Variants in GPR61 observed in about 807,000 individuals in gnomAD.
The protein encoded by GPR61 is G-protein coupled receptor 61.
A neutral mutation model predicts 29.2 loss-of-function variants in GPR61; 15 were observed. The observed-to-expected ratio is 0.51, with a 90% CI of 0.34 to 0.79. The LOEUF (loss-of-function observed/expected upper bound fraction) is 0.79. GPR61 is among the 30% of genes least tolerant of loss of function. The pLI is 0.01. For synonymous variants in GPR61, 238 were observed against 242.3 expected (o/e 0.98, Z 0.17); for missense variants, 399 against 582.5 (o/e 0.69, Z 3.24).
Position 109,544,147 on chromosome 1 carries a change from C to T in GPR61, c.1125C>T (p.Gly375=). Residue 375 remains glycine (G), a synonymous_variant, in exon 2 of 2, where the codon GGC becomes GGT. Transcript: ENST00000527748. The surrounding 1 kb of genome is among the most constrained non-coding windows in gnomAD (Gnocchi z 4.6). ...AGCTGAGGCTGCCTAGCCGGGAGGG[C>T]TCCATTGAGGAGAACTTCCTGCAGT... The part of the protein sequence containing the change: ...EEELRLPSRE[G]SIEENFLQFL... 1 of 1,614,060 alleles carries T rather than the reference C, an allele frequency of 6.2e-7. No individual in the cohort carries two copies. Among genetic ancestry groups the T allele is most frequent in the Non-Finnish European group, 8.5e-7 (1 of 1,179,952 alleles).
rs1194622211 is a variant in GPR61 at position 109,544,002 on chromosome 1, C to G, written c.980C>G (p.Thr327Ser). 6 of 1,614,130 alleles carry G rather than the reference C, an allele frequency of 3.7e-6. No individual in the cohort carries two copies. The highest frequency in any genetic ancestry group is 1.3e-5 in the African/African-American group (1 of 74,934). The change falls in exon 2 of 2, where the codon ACC (threonine) becomes AGC (serine). Residue 327 changes from threonine to serine, a missense_variant. Transcript: ENST00000527748. The surrounding 1 kb of genome is among the most constrained non-coding windows in gnomAD (Gnocchi z 4.6). ...ISTGQVESVV[T>S]WIGYFCFTSN... ...ACTGGGCAGGTGGAGAGTGTGGTCA[C>G]CTGGATTGGCTACTTTTGCTTCACT...
In GPR61 at chr1:109,542,733, C is replaced by T. The variant is rs1398977125; in HGVS notation, c.-290C>T. 4.8e-6 allele frequency: 3 copies of T among 629,828 alleles called. No individual in the cohort carries two copies. The highest frequency in any genetic ancestry group is 3.3e-5 in the East Asian group (1 of 30,372). The allele number at this position is 629,828 out of a possible 1,614,324, so 39.0% of individuals were successfully genotyped here. ...GAAGAGGTGAAGGCCATTCCGAAAG[C>T]GGAGTGTTGAGTGGGTCAGGCTCCT... On this transcript the variant is annotated 5_prime_UTR_variant, in exon 2 of 2. Coordinates refer to ENST00000527748, the MANE Select transcript of GPR61 (RefSeq NM_001393907.1).
chr1:109,541,258 T>C (rs1056855258), intron 1 of GPR61, among the ~76,000 whole-genome samples: 2 of 152,244 alleles, frequency 1.3e-5, no homozygotes, highest in African/African-American at 4.8e-5. Flanking sequence ...CTCTAGGCAG[T>C]TGCCCAAAGT....
chr1:109,542,960 G>T lies in GPR61; in HGVS notation c.-63G>T. 2.6e-6 allele frequency: 4 copies of T among 1,551,984 alleles called. No homozygotes were observed. The highest frequency in any genetic ancestry group is 1.2e-5 in the South Asian group (1 of 83,480). On this transcript the variant is annotated 5_prime_UTR_variant, in exon 2 of 2. Transcript: ENST00000527748. ...GGCCTGGGCTCGCCATCCCAGGGTC[G>T]CTGGACTAGGATGGGGGATGGGCCT...
rs752116728 is a variant in GPR61 at position 109,542,947 on chromosome 1, C to T, written c.-76C>T. The T allele has an allele frequency of 2.6e-5, 40 of 1,547,758 alleles. No individual in the cohort carries two copies. The highest frequency in any genetic ancestry group is 1.3e-5 in the Non-Finnish European group (15 of 1,143,414). ...ACCAGGAAGCCTGGGCCTGGGCTCG[C>T]CATCCCAGGGTCGCTGGACTAGGAT... is the stretch of plus-strand genomic sequence containing the variant. On this transcript the variant is annotated 5_prime_UTR_variant, in exon 2 of 2. Transcript: ENST00000527748.
In GPR61 at chr1:109,545,579, G is replaced by A. The variant is rs1369919985; in HGVS notation, c.*1201G>A. On this transcript the variant is annotated 3_prime_UTR_variant, in exon 2 of 2. Coordinates refer to ENST00000527748, the MANE Select transcript of GPR61 (RefSeq NM_001393907.1). ...TGAGACTGTAGGAACTGTGTTGGTT[G>A]GTATTGGTGGTGGTATTTTCAACAA... 1 of 152,232 alleles carries A rather than the reference G, an allele frequency of 6.6e-6. No homozygotes were observed. Among genetic ancestry groups the A allele is most frequent in the Non-Finnish European group, 1.5e-5 (1 of 68,056 alleles). 9.4% of individuals were successfully genotyped at this position (152,232 alleles called of 1,614,324 possible). A position where few individuals can be genotyped will look rare whatever the true frequency, so the allele number is the denominator to read the frequency against.
At chr1:109,540,307 G>A (rs1260598561) in intron 1 of GPR61, among the ~76,000 whole-genome samples, 1 of 152,194 alleles carries the variant, frequency 6.6e-6, no homozygotes, top group Non-Finnish European at 1.5e-5. Flanking sequence ...CTGGGCGTGG[G>A]CAACTCTGCT....
rs1647800090 is a variant in GPR61, at chr1:109,546,457, G to C, written c.*2079G>C. 1 of 152,260 alleles carries C rather than the reference G, an allele frequency of 6.6e-6. No individual in the cohort carries two copies. The highest frequency in any genetic ancestry group is 6.5e-5 in the Admixed American group (1 of 15,290). 9.4% of individuals were successfully genotyped at this position (152,260 alleles called of 1,614,324 possible). ...AGGAATTGCCAGCAGGTGGCAGTGTGAGCCCAATGGAAGGAGGAAAGGCGA... is the reference window on the plus strand; with the variant it reads ...AGGAATTGCCAGCAGGTGGCAGTGTCAGCCCAATGGAAGGAGGAAAGGCGA... On this transcript the variant is annotated 3_prime_UTR_variant, in exon 2 of 2. Transcript: ENST00000527748.
In GPR61 at chr1:109,542,956, G is replaced by A; in HGVS notation, c.-67G>A. 1 of 1,550,968 alleles carries A rather than the reference G, an allele frequency of 6.4e-7. No individual in the cohort carries two copies. The highest frequency in any genetic ancestry group is 8.7e-7 in the Non-Finnish European group (1 of 1,145,306). ...CCTGGGCCTGGGCTCGCCATCCCAG[G>A]GTCGCTGGACTAGGATGGGGGATGG... On this transcript the variant is annotated 5_prime_UTR_variant, in exon 2 of 2. Coordinates refer to ENST00000527748, the MANE Select transcript of GPR61 (RefSeq NM_001393907.1).
At position 109,546,045 on chromosome 1, in the gene GPR61, A is replaced by G. The variant is rs1041843229; in HGVS notation, c.*1667A>G. On this transcript the variant is annotated 3_prime_UTR_variant, in exon 2 of 2. Transcript: ENST00000527748. Reference sequence around the variant, plus strand: ...GAGAAATATATTGGAGAATATGTCCATGGCTCTAACTTCTGAGAGTTCAGC... The same window carrying G: ...GAGAAATATATTGGAGAATATGTCCGTGGCTCTAACTTCTGAGAGTTCAGC... 1 of 152,218 alleles carries G rather than the reference A, an allele frequency of 6.6e-6. No homozygotes were observed. 9.4% of individuals were successfully genotyped at this position (152,218 alleles called of 1,614,324 possible). A position where few individuals can be genotyped will look rare whatever the true frequency, so the allele number is the denominator to read the frequency against.
At chr1:109,542,320 GC>G in intron 1 of GPR61, 101 bp from the exon 2 acceptor site, 1 of 231,744 alleles carries the variant, frequency 4.3e-6, no homozygotes. Context: ...TGTGGAAAAC[GC>G]CGTATCAATG....
In GPR61 at chr1:109,543,903, G is replaced by A. The variant is rs754270763; in HGVS notation, c.881G>A (p.Gly294Glu). ...GCAGTGGTTCTCCTGGCTGTGGGGG[G>A]ACAGTTCCTGCTCTGTTGGTTGCCC... ...KAAVVLLAVG[G>E]QFLLCWLPYF... Residue 294 changes from glycine to glutamate, a missense_variant, in exon 2 of 2, where the codon GGA becomes GAA. This residue lies in a region of GPR61 where 320 missense variants were observed against 459.8 expected (regional missense o/e 0.70). Transcript: ENST00000527748. This position sits in a 1 kb window ranked among gnomAD's most constrained non-coding sequence, Gnocchi z 6.8. 2 of 1,613,778 alleles carry A rather than the reference G, an allele frequency of 1.2e-6. No homozygotes were observed. The highest frequency in any genetic ancestry group is 1.3e-5 in the African/African-American group (1 of 75,054).
Position 109,546,915 on chromosome 1 carries a change from G to A in GPR61, c.*2537G>A, listed in dbSNP as rs1339748567. The A allele has an allele frequency of 1.3e-5, 2 of 152,234 alleles. No homozygotes were observed. Among genetic ancestry groups the A allele is most frequent in the Non-Finnish European group, 2.9e-5 (2 of 68,034 alleles). The allele number at this position is 152,234 out of a possible 1,614,324, so 9.4% of individuals were successfully genotyped here. On this transcript the variant is annotated 3_prime_UTR_variant, in exon 2 of 2. Transcript: ENST00000527748. ...GAGCTAACTCACTGAAGAATCAACA[G>A]ATTGAGGCAACCATCCGGTCAGTTA... is the stretch of plus-strand genomic sequence containing the variant.
chr1:109,546,576 C>T lies in GPR61; in HGVS notation c.*2198C>T, dbSNP rs1230071594. 6.6e-6 allele frequency: 1 copy of T among 152,168 alleles called. No homozygotes were observed. Among genetic ancestry groups the T allele is most frequent in the Non-Finnish European group, 1.5e-5 (1 of 68,040 alleles). The allele number at this position is 152,168 out of a possible 1,614,324, so 9.4% of individuals were successfully genotyped here. On this transcript the variant is annotated 3_prime_UTR_variant, in exon 2 of 2. Transcript: ENST00000527748. ...TTGCCTTTTCCTTTGACTTTGCCCT[C>T]CAGCCCTTCCTTCACATACATCAAA...
chr1:109,543,670 C>T lies in GPR61; in HGVS notation c.648C>T (p.Tyr216=), dbSNP rs1647707063. ...QLFVVVFAVL[Y]FLLPLLLILV... The stretch of plus-strand genomic sequence containing the variant: ...TTGTGGTGGTCTTTGCTGTCCTTTA[C>T]TTTCTGTTGCCCCTGCTCCTCATAC... Residue 216 remains tyrosine (Y), a synonymous_variant, in exon 2 of 2, where the codon TAC becomes TAT. Transcript: ENST00000527748. The surrounding 1 kb of genome is among the most constrained non-coding windows in gnomAD (Gnocchi z 6.8). The T allele has an allele frequency of 6.2e-7, 1 of 1,613,872 alleles. No homozygotes were observed. The highest frequency in any genetic ancestry group is 1.3e-5 in the African/African-American group (1 of 74,928).
rs1372931893 is a variant in GPR61 at position 109,544,705 on chromosome 1, A to G, written c.*327A>G. The G allele has an allele frequency of 3.1e-6, 1 of 323,546 alleles. No individual in the cohort carries two copies. 20.0% of individuals were successfully genotyped at this position (323,546 alleles called of 1,614,324 possible). On this transcript the variant is annotated 3_prime_UTR_variant, in exon 2 of 2. Transcript: ENST00000527748. This position sits in a 1 kb window ranked among gnomAD's most constrained non-coding sequence, Gnocchi z 4.6. ...CAGAAGCAGGGAATTCTCTAAGGGT[A>G]GGAGTTGGAGGATACAGGGCAGCAG...
intron 1 of GPR61, among the ~76,000 whole-genome samples, chr1:109,541,660 C>T (rs371234544): frequency 6.6e-6 from 1 of 152,200 alleles, no homozygotes; most frequent in Non-Finnish European, 1.5e-5. Flanking sequence ...CAATGCGGCT[C>T]TTGGTCAGGG....
chr1:109,542,864 C>A lies in GPR61; in HGVS notation c.-159C>A. On this transcript the variant is annotated 5_prime_UTR_variant, in exon 2 of 2. Transcript: ENST00000527748. ...CTGATCCTTCAGCTGCCTGGCCTGGCGCTCTGTACGCAGACAAACCTGCCC... is the reference window on the plus strand; with the variant it reads ...CTGATCCTTCAGCTGCCTGGCCTGGAGCTCTGTACGCAGACAAACCTGCCC... The A allele has an allele frequency of 3.0e-6, 3 of 985,868 alleles. 1 individual carries two copies. The highest frequency in any genetic ancestry group is 4.7e-6 in the Non-Finnish European group (3 of 641,014). 61.1% of individuals were successfully genotyped at this position (985,868 alleles called of 1,614,324 possible). A position where few individuals can be genotyped will look rare whatever the true frequency, so the allele number is the denominator to read the frequency against.
Position 109,544,406 on chromosome 1 carries a change from G to C in GPR61, c.*28G>C. The C allele has an allele frequency of 2.0e-6, 3 of 1,537,432 alleles. No homozygotes were observed. The highest frequency in any genetic ancestry group is 1.8e-6 in the Non-Finnish European group (2 of 1,119,762). ...GGCCGCTGGACACTCGGAGGGATAT[G>C]GGGCTGGGGCCAGTTATGATTGCAA... On this transcript the variant is annotated 3_prime_UTR_variant, in exon 2 of 2. Transcript: ENST00000527748. This position sits in a 1 kb window ranked among gnomAD's most constrained non-coding sequence, Gnocchi z 4.6.
Sources: gnomAD v4.1 joint callset for allele counts (sites outside exome capture counted in the v4.1 genomes callset) on GRCh38, gnomAD v4.1.1 for gene constraint, gnomAD v4.1.1 regional missense constraint, Gnocchi (gnomAD v3.1) non-coding constraint, MANE v1.5 for transcripts, NCBI Gene and HGNC (gene_info 2026-07-23, HGNC 2026-07-21) for gene names.